The following NIPBL variants were observed in gnomAD, a reference collection of about 807,000 sequenced individuals.
NIPBL encodes the protein nipped-B-like protein.
NIPBL carries 19 observed loss-of-function variants against 321.8 expected under a neutral mutation model. That is an observed-to-expected ratio of 0.06 (90% CI 0.04 to 0.09). NIPBL has a LOEUF of 0.09. Ranked by LOEUF, NIPBL falls within the 10% of genes least tolerant of loss-of-function variation. The pLI, the probability that NIPBL is intolerant of heterozygous loss-of-function variation, is 1.00. For missense variants in NIPBL, 2,210 were observed against 3,327.0 expected (o/e 0.66, Z 8.26); for synonymous variants, 1,106 against 1,114.1 (o/e 0.99, Z 0.14).
At chr5:36,987,666 T>G (rs1328786079) in intron 10 of NIPBL, among the ~76,000 whole-genome samples, 3 of 152,216 alleles carry the variant, frequency 2.0e-5, no homozygotes, top group Non-Finnish European at 4.4e-5. Context: ...TCCTTTTGTC[T>G]TACAATAATG....
intron 32 of NIPBL, among the ~76,000 whole-genome samples, chr5:37,032,238 T>G (rs73750918): frequency 6.6e-6 from 1 of 152,018 alleles, no homozygotes; most frequent in Non-Finnish European, 1.5e-5. Flanking sequence ...ACTGAGCAAA[T>G]GTACACTAAA....
At chr5:36,931,509 G>T (rs1282950034) in intron 1 of NIPBL, among the ~76,000 whole-genome samples, 3 of 151,920 alleles carry the variant, frequency 2.0e-5, no homozygotes, top group Non-Finnish European at 4.4e-5. Flanking sequence ...ATAGAGACGA[G>T]GTTTTTCCTT....
Position 36,984,896 on chromosome 5 carries a change from A to G in NIPBL, c.1716A>G (p.Gln572=). The change falls in exon 10 of 47, where the codon CAA becomes CAG. Residue 572 remains glutamine, a synonymous_variant. Coordinates refer to ENST00000282516, the MANE Select transcript of NIPBL (RefSeq NM_133433.4). ...DSIKKPEEIK[Q]CNDAPVSVLQ... Reference sequence around the variant, plus strand: ...TAAAAAAGCCTGAAGAAATCAAACAATGTAATGATGCACCTGTTTCTGTTC... The same window carrying G: ...TAAAAAAGCCTGAAGAAATCAAACAGTGTAATGATGCACCTGTTTCTGTTC... The G allele has an allele frequency of 1.2e-6, 2 of 1,613,854 alleles. No homozygotes were observed. Among genetic ancestry groups the G allele is most frequent in the South Asian group, 2.2e-5 (2 of 91,074 alleles).
chr5:36,885,322 CA>C (rs1745810117), intron 1 of NIPBL: 2 of 488,982 alleles, frequency 4.1e-6, no homozygotes. Context: ...ATGCAGGCGC[CA>C]GGGGCTCTGG....
intron 21 of NIPBL, among the ~76,000 whole-genome samples, chr5:37,011,104 G>A (rs1748066528): frequency 6.6e-6 from 1 of 152,076 alleles, no homozygotes; most frequent in Non-Finnish European, 1.5e-5. Flanking sequence ...CCGACGATTT[G>A]CGTTTGGTTT....
At chr5:37,062,921 A>C (rs1754914005) in intron 45 of NIPBL, among the ~76,000 whole-genome samples, 1 of 152,164 alleles carries the variant, frequency 6.6e-6, no homozygotes, top group South Asian at 2.1e-4. Context: ...CCCTGTCTCA[A>C]TTTAAAAAGA....
In NIPBL at chr5:37,049,184, G is replaced by T; in HGVS notation, c.6837G>T (p.Met2279Ile). ...CCTCAGGGATGAGTAGTTCCATCAT[G>T]CAGCTTTATCTCAAACAGGTGCTTG... The part of the protein sequence containing the change: ...DVSSGMSSSI[M>I]QLYLKQVLEA... Residue 2279 changes from methionine to isoleucine, a missense_variant, in exon 40 of 47, where the codon ATG (methionine) becomes ATT (isoleucine). This residue lies in a region of NIPBL where 112 missense variants were observed against 288.3 expected (regional missense o/e 0.39). Coordinates refer to ENST00000282516, the MANE Select transcript of NIPBL (RefSeq NM_133433.4). 6.2e-7 allele frequency: 1 copy of T among 1,614,170 alleles called. No individual in the cohort carries two copies. Among genetic ancestry groups the T allele is most frequent in the Non-Finnish European group, 8.5e-7 (1 of 1,180,018 alleles).
intron 38 of NIPBL, among the ~76,000 whole-genome samples, chr5:37,046,892 G>GT (rs1050986885): frequency 1.5e-4 from 23 of 151,554 alleles, no homozygotes; most frequent in Admixed American, 2.0e-4. Context: ...TTTTGTTGTT[G>GT]TTTTTTTTGG....
At chr5:36,915,509 T>A (rs991893970) in intron 1 of NIPBL, among the ~76,000 whole-genome samples, 1 of 152,054 alleles carries the variant, frequency 6.6e-6, no homozygotes, top group Admixed American at 6.6e-5. Flanking sequence ...GATTCAACAG[T>A]CTGTTATACC....
chr5:37,011,873 A>G (rs1012612400), intron 21 of NIPBL, among the ~76,000 whole-genome samples: 6 of 152,204 alleles, frequency 3.9e-5, no homozygotes, highest in African/African-American at 1.4e-4. Flanking sequence ...CACAACTTAA[A>G]GCAAAAGTTT....
chr5:36,974,203 A>G (rs1743195637), intron 8 of NIPBL, among the ~76,000 whole-genome samples: 1 of 152,194 alleles, frequency 6.6e-6, no homozygotes, highest in South Asian at 2.1e-4. Flanking sequence ...GATTAGATAG[A>G]TAAATAGTAG....
chr5:37,021,248 G>T (rs970439426), intron 27 of NIPBL, among the ~76,000 whole-genome samples: 1 of 152,158 alleles, frequency 6.6e-6, no homozygotes, highest in Non-Finnish European at 1.5e-5. Flanking sequence ...GCAGTGAGCC[G>T]AGATCGTGCC....
At chr5:37,055,434 A>G (rs1349098049) in intron 42 of NIPBL, among the ~76,000 whole-genome samples, 1 of 152,164 alleles carries the variant, frequency 6.6e-6, no homozygotes, top group Non-Finnish European at 1.5e-5. Flanking sequence ...CTGTGTGAAA[A>G]GAATAGTTAG....
intron 1 of NIPBL, among the ~76,000 whole-genome samples, chr5:36,937,500 C>CTTTTT (rs1482142940): frequency 2.6e-5 from 4 of 151,900 alleles, no homozygotes; most frequent in Non-Finnish European, 5.9e-5. Context: ...ATTTTGACCT[C>CTTTTT]TTGTTAACTT....
intron 25 of NIPBL, 32 bp from the exon 26 acceptor site, chr5:37,020,427 A>G (rs780394991): frequency 3.5e-6 from 5 of 1,445,368 alleles, no homozygotes; most frequent in Admixed American, 3.4e-5. Flanking sequence ...TGCTAATTTC[A>G]TCAAGCTCAA....
intron 3 of NIPBL, among the ~76,000 whole-genome samples, chr5:36,956,797 G>A (rs968823481): frequency 6.6e-6 from 1 of 151,278 alleles, no homozygotes; most frequent in African/African-American, 2.4e-5. Context: ...GCTAATTTTT[G>A]TATTTTTAGT....
chr5:37,020,714 A>C, intron 26 of NIPBL, 41 bp downstream of exon 26: 1 of 1,597,656 alleles, frequency 6.3e-7, no homozygotes, highest in South Asian at 1.1e-5. Context: ...TATCTCCTTG[A>C]TATCTATTTC....
chr5:37,056,067 T>A lies in NIPBL; in HGVS notation c.7264-1119T>A, dbSNP rs902315844. ...TTGAAAGGAAAGAGAAATACAGGGC[T>A]TTTATGGATGTTGAAGAAAATATGT... is the stretch of plus-strand genomic sequence containing the variant. On this transcript the variant is annotated intron_variant, in intron 42 of 46. Coordinates refer to ENST00000282516, the MANE Select transcript of NIPBL (RefSeq NM_133433.4). Among the ~76,000 whole-genome samples the A allele has an allele frequency of 5.9e-5, 9 of 152,236 alleles. No individual in the cohort carries two copies. In the South Asian group the frequency reaches 1.9e-3, roughly 32 times the overall value.
chr5:37,053,118 C>T (rs954277585), intron 42 of NIPBL, among the ~76,000 whole-genome samples: 1 of 152,092 alleles, frequency 6.6e-6, no homozygotes, highest in African/African-American at 2.4e-5. Flanking sequence ...GACAGGGATA[C>T]ATTTGGAGAA....
Sources: gnomAD v4.1 joint callset for allele counts (sites outside exome capture counted in the v4.1 genomes callset) on GRCh38, gnomAD v4.1.1 for gene constraint, gnomAD v4.1.1 regional missense constraint, MANE v1.5 for transcripts, NCBI Gene and HGNC (gene_info 2026-07-23, HGNC 2026-07-21) for gene names.